The following PRPF40B variants were observed in gnomAD, a reference collection of about 807,000 sequenced individuals.
PRPF40B encodes the protein pre-mRNA-processing factor 40 homolog B.
In PRPF40B, 56 loss-of-function variants were observed where a neutral mutation model predicts 124.5. The ratio of observed to expected loss-of-function variants is 0.45; its 90% CI spans 0.36 to 0.56. The LOEUF (loss-of-function observed/expected upper bound fraction) is 0.56. Ranked by LOEUF, PRPF40B falls within the 20% of genes least tolerant of loss-of-function variation. PRPF40B has a pLI of 0.00. For synonymous variants in PRPF40B, 443 were observed against 426.4 expected (o/e 1.04, Z -0.48); for missense variants, 1,053 against 1,169.5 (o/e 0.90, Z 1.45).
At position 49,643,086 on chromosome 12, in the gene PRPF40B, C is replaced by A; in HGVS notation, c.2205+70C>A. 1.9e-6 allele frequency: 3 copies of A among 1,593,650 alleles called. No individual in the cohort carries two copies. The South Asian group carries it at 3.3e-5, about 18-fold the overall frequency. Reference sequence around the variant, plus strand: ...TTGGGGAAATAAACACTTTGTTTTCCCCTTACAATATCTCCCTTGGAGGGA... The same window carrying A: ...TTGGGGAAATAAACACTTTGTTTTCACCTTACAATATCTCCCTTGGAGGGA... On this transcript the variant is annotated intron_variant, in intron 22 of 25. Coordinates refer to ENST00000548825, the MANE Select transcript of PRPF40B (RefSeq NM_001031698.3).
intron 5 of PRPF40B, 44 bp downstream of exon 5, chr12:49,632,667 G>A: frequency 6.2e-7 from 1 of 1,609,940 alleles, no homozygotes; most frequent in Non-Finnish European, 8.5e-7. Context: ...CGGAGGTTGG[G>A]GGGCATAGGG....
chr12:49,623,103 A>T (rs1327336291), upstream of PRPF40B, among the ~76,000 whole-genome samples: 18 of 150,936 alleles, frequency 1.2e-4, no homozygotes, highest in African/African-American at 4.4e-4. Context: ...CCTGAGACAG[A>T]CCCTGCCACC....
At chr12:49,632,465 T>G in intron 4 of PRPF40B, 131 bp from the exon 5 acceptor site, 1 of 973,516 alleles carries the variant, frequency 1.0e-6, no homozygotes, top group Non-Finnish European at 1.5e-6. Flanking sequence ...GGGAAGCCTG[T>G]TAGGGAGCAG....
At chr12:49,632,772 G>A in intron 5 of PRPF40B, 83 bp from the exon 6 acceptor site, 1 of 1,604,678 alleles carries the variant, frequency 6.2e-7, no homozygotes, top group Non-Finnish European at 8.5e-7. Context: ...CTATTTACTG[G>A]GGCTGGAATA....
intron 4 of PRPF40B, 48 bp from the exon 5 acceptor site, chr12:49,632,548 G>A (rs1941320896): frequency 6.2e-7 from 1 of 1,606,064 alleles, no homozygotes; most frequent in Admixed American, 1.7e-5. Flanking sequence ...GGGTCCTGGG[G>A]GCCACTGGGC....
At chr12:49,639,207 C>T (rs971988505) in intron 18 of PRPF40B, 3 of 152,150 alleles carry the variant, frequency 2.0e-5, no homozygotes, top group African/African-American at 7.2e-5. Flanking sequence ...AGAGTACGTA[C>T]TTATGTCCTT....
intron 18 of PRPF40B, 192 bp from the exon 19 acceptor site, chr12:49,641,716 A>T (rs1942677902): frequency 1.7e-6 from 1 of 586,054 alleles, no homozygotes; most frequent in East Asian, 2.8e-5. Context: ...CATCCAAACC[A>T]AGGGTAGGCA....
At chr12:49,630,422 C>A (rs1324236210) in intron 1 of PRPF40B, 123 bp from the exon 2 acceptor site, 3 of 696,800 alleles carry the variant, frequency 4.3e-6, no homozygotes, top group Non-Finnish European at 7.9e-6. Flanking sequence ...GGCAGGAAAT[C>A]GGGCTTGAAG....
chr12:49,636,458 G>A (rs781757250), intron 15 of PRPF40B: 7 of 490,136 alleles, frequency 1.4e-5, no homozygotes, highest in African/African-American at 5.7e-5. Flanking sequence ...CAAGACAACC[G>A]GTTTCATGTT....
In PRPF40B at chr12:49,639,917, G is replaced by A. The variant is rs1055524650; in HGVS notation, c.1768-1991G>A. 3 of 152,178 alleles carry A rather than the reference G, an allele frequency of 2.0e-5. No individual in the cohort carries two copies. The East Asian group carries it at 5.8e-4, about 29-fold the overall frequency. The allele number at this position is 152,178 out of a possible 1,614,324, so 9.4% of individuals were successfully genotyped here. A position where few individuals can be genotyped will look rare whatever the true frequency, so the allele number is the denominator to read the frequency against. On this transcript the variant is annotated intron_variant, in intron 18 of 25. Coordinates refer to ENST00000548825, the MANE Select transcript of PRPF40B (RefSeq NM_001031698.3). ...CAGAATAATCGTATAAAGTAGAAAT[G>A]CCTTATCCTGGGATAGCTAAATTTT... is the stretch of plus-strand genomic sequence containing the variant.
intron 1 of PRPF40B, among the ~76,000 whole-genome samples, chr12:49,628,352 C>T (rs1328154493): frequency 6.6e-6 from 1 of 152,068 alleles, no homozygotes; most frequent in Non-Finnish European, 1.5e-5. Context: ...CCTCCGCCTC[C>T]CAGGTTCAAG....
chr12:49,633,382 G>A, intron 7 of PRPF40B, 45 bp from the exon 8 acceptor site: 2 of 1,612,730 alleles, frequency 1.2e-6, no homozygotes. Context: ...ACTGGCTGGA[G>A]AACTTGCCCA....
Position 49,643,482 on chromosome 12 carries a change from G to A in PRPF40B, c.2380+85G>A, listed in dbSNP as rs1009769829. ...CCTCCACAAGCCCCAGCTCCTTTGA[G>A]GGTAGACTGGATTGGGAGGGCTGCA... is the stretch of plus-strand genomic sequence containing the variant. On this transcript the variant is annotated intron_variant, in intron 23 of 25. Coordinates refer to ENST00000548825, the MANE Select transcript of PRPF40B (RefSeq NM_001031698.3). The A allele has an allele frequency of 4.7e-6, 7 of 1,486,828 alleles. No homozygotes were observed. In the African/African-American group the frequency reaches 8.5e-5, roughly 18 times the overall value. 92.1% of individuals were successfully genotyped at this position (1,486,828 alleles called of 1,614,324 possible).
chr12:49,629,749 A>C (rs1428356362), intron 1 of PRPF40B, among the ~76,000 whole-genome samples: 2 of 152,252 alleles, frequency 1.3e-5, no homozygotes, highest in Non-Finnish European at 2.9e-5. Flanking sequence ...CTTTAAATAC[A>C]GTCAGGAAGT....
chr12:49,623,657 GC>G, intron 1 of PRPF40B, 64 bp downstream of exon 1: 2 of 1,229,002 alleles, frequency 1.6e-6, no homozygotes, highest in Non-Finnish European at 2.0e-6. Context: ...TGCGGCCCGG[GC>G]CGTGGCCGAT....
rs1401533446 is a variant in PRPF40B, at chr12:49,633,944, G to A, written c.664G>A (p.Asp222Asn). The part of the protein sequence containing the change: ...LQPQPPQPQP[D>N]PPPVPPGPTP... The stretch of plus-strand genomic sequence containing the variant: ...GCCACAGCCACCTCAGCCACAGCCT[G>A]ACCCCCCACCTGTGCCTCCTGGCCC... The change falls in exon 10 of 26, where the codon GAC becomes AAC. Residue 222 changes from aspartate (D) to asparagine (N), a missense_variant. This residue lies in a region of PRPF40B where 895 missense variants were observed against 1,052.2 expected (regional missense o/e 0.85). Coordinates refer to ENST00000548825, the MANE Select transcript of PRPF40B (RefSeq NM_001031698.3). 1 of 1,614,108 alleles carries A rather than the reference G, an allele frequency of 6.2e-7. No homozygotes were observed.
Position 49,630,526 on chromosome 12 carries a change from CT to C in PRPF40B, c.4-15del. The C allele has an allele frequency of 3.1e-6, 4 of 1,302,712 alleles. No individual in the cohort carries two copies. The highest frequency in any genetic ancestry group is 4.4e-6 in the Non-Finnish European group (4 of 918,692). 80.7% of individuals were successfully genotyped at this position (1,302,712 alleles called of 1,614,324 possible). A position where few individuals can be genotyped will look rare whatever the true frequency, so the allele number is the denominator to read the frequency against. On this transcript the variant is annotated intron_variant, in intron 1 of 25. Transcript: ENST00000548825. ...TCTGTGCCCATCCTGGGTCCTATGA[CT>C]TTTCTCTCCCTCAACAGTCGGTTCC...
At chr12:49,634,251 G>C in intron 10 of PRPF40B, 81 bp from the exon 11 acceptor site, 1 of 1,606,892 alleles carries the variant, frequency 6.2e-7, no homozygotes, top group Non-Finnish European at 8.5e-7. Flanking sequence ...CAAGGAGGGG[G>C]TGATATGTTG....
chr12:49,641,883 G>A lies in PRPF40B; in HGVS notation c.1768-25G>A, dbSNP rs770639755. ...TTGGCCTCAGGCACGTGGTGCCCCTGCTTCATGCACTGCTGTACCCACAGG... is the reference window on the plus strand; with the variant it reads ...TTGGCCTCAGGCACGTGGTGCCCCTACTTCATGCACTGCTGTACCCACAGG... On this transcript the variant is annotated intron_variant, in intron 18 of 25. Coordinates refer to ENST00000548825, the MANE Select transcript of PRPF40B (RefSeq NM_001031698.3). The A allele has an allele frequency of 3.7e-6, 6 of 1,606,246 alleles. No individual in the cohort carries two copies. In the East Asian group the frequency reaches 1.1e-4, roughly 30 times the overall value.
Sources: gnomAD v4.1 joint callset for allele counts (sites outside exome capture counted in the v4.1 genomes callset) on GRCh38, gnomAD v4.1.1 for gene constraint, gnomAD v4.1.1 regional missense constraint, MANE v1.5 for transcripts, NCBI Gene and HGNC (gene_info 2026-07-23, HGNC 2026-07-21) for gene names.